The following AFMID variants were observed in gnomAD, a reference collection of about 807,000 sequenced individuals.
AFMID encodes arylformamidase, also known as kynurenine formamidase.
AFMID carries 39 observed loss-of-function variants against 47.5 expected under a neutral mutation model. That is an observed-to-expected ratio of 0.82 (90% CI 0.64 to 1.07). The LOEUF (loss-of-function observed/expected upper bound fraction) is 1.07. AFMID is among the 50% of genes least tolerant of loss of function. The probability of loss-of-function intolerance (pLI) is 0.00; values close to 1 mark genes in which losing one functional copy is unlikely to be tolerated. For synonymous variants in AFMID, 130 were observed against 153.2 expected, an observed-to-expected ratio of 0.85 and a Z score of 1.12; for missense variants, 375 against 387.5, an observed-to-expected ratio of 0.97 and a Z score of 0.27.
chr17:78,206,163 C>G (rs2076375046), intron 10 of AFMID, 113 bp downstream of exon 10: 1 of 827,386 alleles, frequency 1.2e-6, no homozygotes, highest in African/African-American at 1.7e-5. Context: ...TGGAGAAACT[C>G]CGTGTCTACT....
chr17:78,197,150 G>A, intron 2 of AFMID: 1 of 1,550,142 alleles, frequency 6.5e-7, no homozygotes, highest in Non-Finnish European at 8.7e-7. Context: ...TTATAGGCTT[G>A]AGAACTCCTG....
chr17:78,194,105 A>G (rs1386224340), intron 2 of AFMID, among the ~76,000 whole-genome samples: 3 of 139,446 alleles, frequency 2.2e-5, no homozygotes, highest in Non-Finnish European at 3.1e-5. Flanking sequence ...TTCTTTATGT[A>G]TTGGGTTTTT....
Position 78,191,004 on chromosome 17 carries a change from T to TAC in AFMID, c.98_99insAC (p.Val34LeufsTer10). The TAC allele has an allele frequency of 6.2e-7, 1 of 1,613,948 alleles. No homozygotes were observed. Among genetic ancestry groups the TAC allele is most frequent in the Non-Finnish European group, 8.5e-7 (1 of 1,179,976 alleles). On this transcript the variant is annotated frameshift_variant, in exon 2 of 11. Coordinates refer to ENST00000409257, the MANE Select transcript of AFMID (RefSeq NM_001010982.5). LOFTEE classifies it high-confidence loss of function. ...AATCAGTACTGTCCCAGCCGATGGGTTGTCCGACTGGGAGCAGAGGAAGCC... is the reference window on the plus strand; with the variant it reads ...AATCAGTACTGTCCCAGCCGATGGGTACTGTCCGACTGGGAGCAGAGGAAGCC...
At chr17:78,195,508 T>C (rs1052130476) in intron 2 of AFMID, among the ~76,000 whole-genome samples, 11 of 150,996 alleles carry the variant, frequency 7.3e-5, no homozygotes, top group African/African-American at 2.7e-4. Context: ...CAGTCCTGTT[T>C]TTTTTTTTTT....
At chr17:78,196,758 T>C (rs1477602720) in intron 2 of AFMID, among the ~76,000 whole-genome samples, 1 of 152,164 alleles carries the variant, frequency 6.6e-6, no homozygotes. Context: ...TACACGCGTG[T>C]TCGTAGCACC....
chr17:78,192,972 G>C (rs529598556), intron 2 of AFMID, among the ~76,000 whole-genome samples: 2 of 152,054 alleles, frequency 1.3e-5, no homozygotes, highest in African/African-American at 2.4e-5. Context: ...TCAATAGATT[G>C]GGGGGGAGCT....
chr17:78,205,281 T>C lies in AFMID; in HGVS notation c.565+91T>C. 5.5e-6 allele frequency: 8 copies of C among 1,455,304 alleles called. No individual in the cohort carries two copies. The South Asian group carries it at 6.0e-5, about 11-fold the overall frequency. 90.1% of individuals were successfully genotyped at this position (1,455,304 alleles called of 1,614,324 possible). A position where few individuals can be genotyped will look rare whatever the true frequency, so the allele number is the denominator to read the frequency against. On this transcript the variant is annotated intron_variant, in intron 7 of 10. Transcript: ENST00000409257. ...CAACTGCTTGAAATCCTCCCGGCCA[T>C]GAGTGGCTTGACCGCAGGGCTTCGA...
At chr17:78,190,810 G>T (rs2075946029) in intron 1 of AFMID, 160 bp from the exon 2 acceptor site, 1 of 606,466 alleles carries the variant, frequency 1.6e-6, no homozygotes, top group Admixed American at 3.0e-5. Flanking sequence ...GCGGTCGCTG[G>T]TATACCTCTA....
At chr17:78,188,782 A>G (rs527674474) in intron 1 of AFMID, among the ~76,000 whole-genome samples, 2 of 152,204 alleles carry the variant, frequency 1.3e-5, no homozygotes, top group East Asian at 3.9e-4. Context: ...TATTTTTAGT[A>G]GAGATGGGGT....
At chr17:78,192,005 T>G (rs1311331247) in intron 2 of AFMID, among the ~76,000 whole-genome samples, 1 of 150,366 alleles carries the variant, frequency 6.7e-6, no homozygotes, top group Non-Finnish European at 1.5e-5. Flanking sequence ...TTCTTTCTTT[T>G]TTTTGTTTTT....
At chr17:78,194,942 C>T (rs540940276) in intron 2 of AFMID, among the ~76,000 whole-genome samples, 3 of 152,008 alleles carry the variant, frequency 2.0e-5, no homozygotes, top group African/African-American at 7.2e-5. Flanking sequence ...GATCCACCTG[C>T]CTCAGCCTAC....
chr17:78,195,869 G>T (rs145349077), intron 2 of AFMID, among the ~76,000 whole-genome samples: 1 of 151,446 alleles, frequency 6.6e-6, no homozygotes, highest in Non-Finnish European at 1.5e-5. Context: ...TTTTTGAGAC[G>T]GAGTCTTGCT....
intron 4 of AFMID, 79 bp from the exon 5 acceptor site, chr17:78,204,577 G>T: frequency 2.2e-6 from 3 of 1,393,396 alleles, no homozygotes; most frequent in Non-Finnish European, 3.1e-6. Flanking sequence ...AGGACATCTG[G>T]CAAGTGGTGT....
At chr17:78,187,534 C>A in intron 1 of AFMID, 101 bp downstream of exon 1, 1 of 1,378,334 alleles carries the variant, frequency 7.3e-7, no homozygotes, top group Non-Finnish European at 1.0e-6. Flanking sequence ...CTAGAGCACT[C>A]CTGTGGGCAT....
At chr17:78,187,557 G>A in intron 1 of AFMID, 124 bp downstream of exon 1, 1 of 981,620 alleles carries the variant, frequency 1.0e-6, no homozygotes, top group Non-Finnish European at 1.6e-6. Context: ...AGAGCGCCTA[G>A]TGCGTGCCAG....
chr17:78,206,635 T>G (rs1187586653), intron 10 of AFMID, among the ~76,000 whole-genome samples: 1 of 112,470 alleles, frequency 8.9e-6, no homozygotes, highest in Non-Finnish European at 1.8e-5. Flanking sequence ...GTCGTCGTCT[T>G]CCTTCTTCTT....
Position 78,206,008 on chromosome 17 carries a change from A to C in AFMID, c.843A>C (p.Glu281Asp), listed in dbSNP as rs2076371152. Residue 281 changes from glutamate (E) to aspartate (D), a missense_variant, in exon 10 of 11, where the codon GAA becomes GAC. Glu to Asp is a conservative substitution (Grantham distance 45, BLOSUM62 2). Coordinates refer to ENST00000409257, the MANE Select transcript of AFMID (RefSeq NM_001010982.5). ...AGCTCCACGATGTGGACCACTTTGA[A>C]ATTGTTGAGAATCTGACCCAGAAGG... The part of the protein sequence containing the change: ...FEELHDVDHF[E>D]IVENLTQKDN... 6.2e-7 allele frequency: 1 copy of C among 1,613,984 alleles called. No individual in the cohort carries two copies. Among genetic ancestry groups the C allele is most frequent in the African/African-American group, 1.3e-5 (1 of 74,990 alleles).
intron 4 of AFMID, 26 bp downstream of exon 4, chr17:78,202,777 A>G (rs1599011157): frequency 6.4e-7 from 1 of 1,551,998 alleles, no homozygotes. Flanking sequence ...TGGATGGTGG[A>G]CTGCAAGAGA....
chr17:78,198,793 A>T (rs1373888967), intron 2 of AFMID, among the ~76,000 whole-genome samples: 1 of 152,096 alleles, frequency 6.6e-6, no homozygotes. Flanking sequence ...TGGGCGACAG[A>T]GCGAGCCTCT....
Sources: gnomAD v4.1 joint callset for allele counts (sites outside exome capture counted in the v4.1 genomes callset) on GRCh38, gnomAD v4.1.1 for gene constraint, MANE v1.5 for transcripts, NCBI Gene and HGNC (gene_info 2026-07-23, HGNC 2026-07-21) for gene names.